Variants in BSN observed in about 807,000 individuals in gnomAD.
BSN encodes bassoon presynaptic cytomatrix protein, also known as protein bassoon.
BSN carries 57 observed loss-of-function variants against 264.8 expected under a neutral mutation model. The observed-to-expected ratio is 0.22, with a 90% CI of 0.17 to 0.27. The LOEUF (loss-of-function observed/expected upper bound fraction) is 0.27. Ranked by LOEUF, BSN falls within the 10% of genes least tolerant of loss-of-function variation. The pLI is 1.00. For synonymous variants in BSN, 2,059 were observed against 2,137.3 expected, an observed-to-expected ratio of 0.96 and a Z score of 1.01; for missense variants, 4,615 against 5,232.5, an observed-to-expected ratio of 0.88 and a Z score of 3.64.
rs114257382 is a variant in BSN at position 49,645,531 on chromosome 3, T to A, written c.1518+2379T>A. Among the ~76,000 whole-genome samples, 1,352 of 152,300 alleles carry A rather than the reference T, an allele frequency of 8.9e-3. 19 individuals carry two copies. Among genetic ancestry groups the A allele is most frequent in the African/African-American group, 0.031 (1,297 of 41,558 alleles). On this transcript the variant is annotated intron_variant, in intron 3 of 11. Transcript: ENST00000296452. ...TCTCTCCCACCCATGCTCACAGCCTTAGTCCTTCCGTCCTTATCCTCCCTT... is the reference window on the plus strand; with the variant it reads ...TCTCTCCCACCCATGCTCACAGCCTAAGTCCTTCCGTCCTTATCCTCCCTT...
intron 11 of BSN, among the ~76,000 whole-genome samples, chr3:49,665,812 G>A (rs1278560272): frequency 1.3e-5 from 2 of 152,278 alleles, no homozygotes; most frequent in African/African-American, 4.8e-5. Context: ...GGAAGGAGTA[G>A]AGAGGCAGAC....
At chr3:49,618,031 C>T (rs2052275110) in intron 1 of BSN, among the ~76,000 whole-genome samples, 1 of 152,096 alleles carries the variant, frequency 6.6e-6, no homozygotes, top group Non-Finnish European at 1.5e-5. Context: ...TCTTTTTTCT[C>T]CTTTCCCTGA....
Position 49,662,333 on chromosome 3 carries a change from C to G in BSN, c.10488C>G (p.Pro3496=), listed in dbSNP as rs137979821. 9.0e-5 allele frequency: 146 copies of G among 1,613,478 alleles called. No homozygotes were observed. Among genetic ancestry groups the G allele is most frequent in the East Asian group, 2.7e-4 (12 of 44,868 alleles). Reference sequence around the variant, plus strand: ...TGGCCCACAGCCGGGTACGACCCCCCATGCGGAGCCAGGCCTCTGAAGAGG... The same window carrying G: ...TGGCCCACAGCCGGGTACGACCCCCGATGCGGAGCCAGGCCTCTGAAGAGG... ...LSMAHSRVRP[P]MRSQASEEES... is the part of the protein sequence containing the mutation. The change falls in exon 6 of 12, where the codon CCC becomes CCG. Residue 3496 remains proline (P), a synonymous_variant. Transcript: ENST00000296452.
chr3:49,582,957 A>ATTTATTTG (rs2051906454), intron 1 of BSN, among the ~76,000 whole-genome samples: 2 of 146,106 alleles, frequency 1.4e-5, no homozygotes, highest in African/African-American at 5.3e-5. Context: ...TATTACATTT[A>ATTTATTTG]TTTATTTATT....
chr3:49,660,551 A>G lies in BSN; in HGVS notation c.8706A>G (p.Pro2902=), dbSNP rs754235194. The G allele has an allele frequency of 3.1e-6, 5 of 1,591,034 alleles. No individual in the cohort carries two copies. In the South Asian group the frequency reaches 5.7e-5, roughly 18 times the overall value. The change falls in exon 6 of 12, where the codon CCA becomes CCG. Residue 2902 remains proline, a synonymous_variant. Transcript: ENST00000296452. The surrounding 1 kb of genome is among the most constrained non-coding windows in gnomAD (Gnocchi z 7.1). ...KVKRTLPSPP[P]EEAHLPLAGQ... is the part of the protein sequence containing the mutation. ...AGCGGACACTGCCCAGCCCCCCTCCAGAGGAGGCTCACCTTCCCCTGGCTG... is the reference window on the plus strand; with the variant it reads ...AGCGGACACTGCCCAGCCCCCCTCCGGAGGAGGCTCACCTTCCCCTGGCTG...
intron 9 of BSN, 46 bp from the exon 10 acceptor site, chr3:49,664,753 G>T (rs768388396): frequency 6.2e-7 from 1 of 1,610,568 alleles, no homozygotes. Context: ...ACTGGGAGGG[G>T]TCTGGCCCAA....
intron 2 of BSN, among the ~76,000 whole-genome samples, chr3:49,632,106 G>A (rs985009980): frequency 1.3e-5 from 2 of 152,108 alleles, no homozygotes; most frequent in Non-Finnish European, 2.9e-5. Context: ...ATGGTGTTGG[G>A]AAAACTGGAT....
intron 5 of BSN, among the ~76,000 whole-genome samples, chr3:49,658,884 C>T (rs1250380967): frequency 6.6e-6 from 1 of 152,218 alleles, no homozygotes; most frequent in Non-Finnish European, 1.5e-5. Context: ...CTGTGGGCTG[C>T]AGCCAAAGTG....
chr3:49,654,643 A>AT lies in BSN; in HGVS notation c.5088dup (p.Gly1697TrpfsTer64). The AT allele has an allele frequency of 6.2e-7, 1 of 1,613,916 alleles. No homozygotes were observed. Among genetic ancestry groups the AT allele is most frequent in the Non-Finnish European group, 8.5e-7 (1 of 1,180,020 alleles). ...TCTCTTGCTGTGGAAGCGAGGAAGT[A>AT]TGGTCTTGCCCTGGATCCAATCCCA... On this transcript the variant is annotated frameshift_variant, in exon 5 of 12. Coordinates refer to ENST00000296452, the MANE Select transcript of BSN (RefSeq NM_003458.4). LOFTEE classifies it high-confidence loss of function. The surrounding 1 kb of genome is among the most constrained non-coding windows in gnomAD (Gnocchi z 4.1).
At chr3:49,563,329 G>A (rs996802802) in intron 1 of BSN, among the ~76,000 whole-genome samples, 4 of 152,192 alleles carry the variant, frequency 2.6e-5, no homozygotes, top group Admixed American at 2.6e-4. Context: ...CAGACCTGCA[G>A]AGCCTGCTGC....
intron 2 of BSN, chr3:49,641,918 A>C: frequency 8.6e-6 from 2 of 231,758 alleles, no homozygotes; most frequent in Non-Finnish European, 1.7e-5. Context: ...GGGGAAGGCT[A>C]CTGGGTTCAT....
Position 49,651,996 on chromosome 3 carries a change from T to A in BSN, c.2440T>A (p.Tyr814Asn), listed in dbSNP as rs779049493. Residue 814 changes from tyrosine (Y) to asparagine (N), a missense_variant, in exon 5 of 12, where the codon TAT (tyrosine) becomes AAT (asparagine). Around this residue, in one of 3 missense-constraint regions of BSN, gnomAD observed 1,197 missense variants for 1,348.0 expected, o/e 0.89. Coordinates refer to ENST00000296452, the MANE Select transcript of BSN (RefSeq NM_003458.4). The surrounding 1 kb of genome is among the most constrained non-coding windows in gnomAD (Gnocchi z 5.4). ...DDFGSQLRHD[Y>N]VEDSSEGGLS... ...CTTTGGCAGCCAATTGAGGCACGAC[T>A]ATGTGGAGGACAGCAGTGAGGGTGG... 3.1e-6 allele frequency: 5 copies of A among 1,613,382 alleles called. No individual in the cohort carries two copies. The South Asian group carries it at 4.4e-5, about 14-fold the overall frequency.
At chr3:49,666,663 A>G (rs1417208418) in intron 11 of BSN, among the ~76,000 whole-genome samples, 1 of 152,040 alleles carries the variant, frequency 6.6e-6, no homozygotes, top group Non-Finnish European at 1.5e-5. Context: ...GGATGAAAAA[A>G]GGGGAGGGAA....
At chr3:49,598,613 A>G (rs1284155702) in intron 1 of BSN, among the ~76,000 whole-genome samples, 2 of 152,100 alleles carry the variant, frequency 1.3e-5, no homozygotes, top group African/African-American at 2.4e-5. Flanking sequence ...TAAATTCTAG[A>G]GAGGGTCTCA....
chr3:49,658,536 C>G (rs2052630197), intron 5 of BSN, among the ~76,000 whole-genome samples: 1 of 152,216 alleles, frequency 6.6e-6, no homozygotes, highest in Admixed American at 6.5e-5. Flanking sequence ...GCTCTCACTT[C>G]TAGTCTGGAC....
chr3:49,660,927 C>G lies in BSN; in HGVS notation c.9082C>G (p.Pro3028Ala). The change falls in exon 6 of 12, where the codon CCC becomes GCC. Residue 3028 changes from proline (P) to alanine (A), a missense_variant. Physicochemically the swap from Pro to Ala is conservative, Grantham distance 27 (BLOSUM62 -1). This residue lies in a region of BSN where 3,415 missense variants were observed against 3,866.4 expected (regional missense o/e 0.88). Transcript: ENST00000296452. This position sits in a 1 kb window ranked among gnomAD's most constrained non-coding sequence, Gnocchi z 7.1. ...GCTGCGGCTCCAGGGCTGCACCACTCCCGCTGGCCAGTTTGTGGACTTCCC... is the reference window on the plus strand; with the variant it reads ...GCTGCGGCTCCAGGGCTGCACCACTGCCGCTGGCCAGTTTGTGGACTTCCC... ...NQLRLQGCTT[P>A]AGQFVDFPAT... 6.2e-7 allele frequency: 1 copy of G among 1,612,316 alleles called. No individual in the cohort carries two copies. Among genetic ancestry groups the G allele is most frequent in the Non-Finnish European group, 8.5e-7 (1 of 1,180,018 alleles).
chr3:49,592,944 C>G (rs2051992228), intron 1 of BSN, among the ~76,000 whole-genome samples: 1 of 152,038 alleles, frequency 6.6e-6, no homozygotes, highest in Non-Finnish European at 1.5e-5. Flanking sequence ...AATTTTATCA[C>G]TTGTGTAGGT....
intron 1 of BSN, among the ~76,000 whole-genome samples, chr3:49,596,950 T>G (rs1407334159): frequency 1.3e-5 from 2 of 152,212 alleles, no homozygotes; most frequent in Non-Finnish European, 2.9e-5. Flanking sequence ...TGGTTTACAA[T>G]AATGGATTTT....
intron 2 of BSN, among the ~76,000 whole-genome samples, chr3:49,641,246 T>A (rs2052460255): frequency 6.6e-6 from 1 of 152,244 alleles, no homozygotes; most frequent in South Asian, 2.1e-4. Context: ...GATCTACTCC[T>A]TTCTCCTTTC....
Sources: gnomAD v4.1 joint callset for allele counts (sites outside exome capture counted in the v4.1 genomes callset) on GRCh38, gnomAD v4.1.1 for gene constraint, gnomAD v4.1.1 regional missense constraint, Gnocchi (gnomAD v3.1) non-coding constraint, MANE v1.5 for transcripts, NCBI Gene and HGNC (gene_info 2026-07-23, HGNC 2026-07-21) for gene names.